The following ADGRA2 variants were observed in gnomAD, a reference collection of about 807,000 sequenced individuals.
ADGRA2 encodes the protein adhesion G protein-coupled receptor A2.
In ADGRA2, 61 loss-of-function variants were observed where a neutral mutation model predicts 98.7. The observed-to-expected ratio is 0.62, with a 90% CI of 0.50 to 0.76. The LOEUF is 0.76. ADGRA2 is among the 30% of genes least tolerant of loss of function. The probability of loss-of-function intolerance (pLI) is 0.00; values close to 1 mark genes in which losing one functional copy is unlikely to be tolerated. For synonymous variants in ADGRA2, 858 were observed against 831.5 expected (o/e 1.03, Z -0.55); for missense variants, 1,712 against 1,860.0 (o/e 0.92, Z 1.46).
In ADGRA2 at chr8:37,840,082, AGTCCCCAG is replaced by A. The variant is rs764659063; in HGVS notation, c.2512-30_2512-23del. On this transcript the variant is annotated intron_variant, in intron 16 of 18. Transcript: ENST00000412232. The stretch of plus-strand genomic sequence containing the variant: ...TGAAGCTCTGGGAGGGTCCAGTCGT[AGTCCCCAG>A]GTCCCCAGCCTCCGTGCCTTGACCC... The A allele has an allele frequency of 1.9e-5, 29 of 1,530,076 alleles. No homozygotes were observed. In the East Asian group the frequency reaches 4.0e-4, roughly 21 times the overall value. The allele number at this position is 1,530,076 out of a possible 1,614,324, so 94.8% of individuals were successfully genotyped here.
At chr8:37,833,631 C>G (rs1160523594) in intron 9 of ADGRA2, 57 bp from the exon 10 acceptor site, 4 of 1,571,822 alleles carry the variant, frequency 2.5e-6, no homozygotes, top group Non-Finnish European at 3.5e-6. Context: ...TCCCCAGGGG[C>G]AGTTCGGGGG....
At chr8:37,811,168 GTTTTTTTT>G (rs762992936) in intron 1 of ADGRA2, among the ~76,000 whole-genome samples, 6 of 101,754 alleles carry the variant, frequency 5.9e-5, no homozygotes, top group African/African-American at 2.4e-4. Context: ...GTGTGTGTGT[GTTTTTTTT>G]TTTTTTTTTT....
At chr8:37,819,373 CTAT>C (rs377136127) in intron 2 of ADGRA2, among the ~76,000 whole-genome samples, 1 of 151,866 alleles carries the variant, frequency 6.6e-6, no homozygotes, top group African/African-American at 2.4e-5. Context: ...CAAATACTTA[CTAT>C]TATTATTATT....
At position 37,839,556 on chromosome 8, in the gene ADGRA2, A is replaced by T. The variant is rs146000268; in HGVS notation, c.2445A>T (p.Ile815=). 2 of 1,614,122 alleles carry T rather than the reference A, an allele frequency of 1.2e-6. No individual in the cohort carries two copies. The highest frequency in any genetic ancestry group is 1.7e-6 in the Non-Finnish European group (2 of 1,180,026). ...TGCTGCTGAACTTGTGCTTCCACATAGCCATGACCTCTGCTGTCTTTGCGG... is the reference window on the plus strand; with the variant it reads ...TGCTGCTGAACTTGTGCTTCCACATTGCCATGACCTCTGCTGTCTTTGCGG... The part of the protein sequence containing the change: ...WHMLLNLCFH[I]AMTSAVFAGG... The change falls in exon 16 of 19, where the codon ATA becomes ATT. Residue 815 remains isoleucine, a synonymous_variant. Coordinates refer to ENST00000412232, the MANE Select transcript of ADGRA2 (RefSeq NM_032777.10).
At position 37,814,157 on chromosome 8, in the gene ADGRA2, AGTGG is replaced by A. The variant is rs1481486477; in HGVS notation, c.267-733_267-730del. ...CAGGGAGCTTGGCAGAGAAAGGCTG[AGTGG>A]GTGGGCGGAGATGAGACACTCGGTC... On this transcript the variant is annotated intron_variant, in intron 1 of 18. Transcript: ENST00000412232. The surrounding 1 kb of genome is among the most constrained non-coding windows in gnomAD (Gnocchi z 4.3). Among the ~76,000 whole-genome samples the A allele has an allele frequency of 6.6e-6, 1 of 152,168 alleles. No individual in the cohort carries two copies. Among genetic ancestry groups the A allele is most frequent in the East Asian group, 1.9e-4 (1 of 5,176 alleles).
intron 1 of ADGRA2, among the ~76,000 whole-genome samples, chr8:37,803,647 G>A (rs946445126): frequency 6.6e-6 from 1 of 152,124 alleles, no homozygotes; most frequent in Non-Finnish European, 1.5e-5. Context: ...GTTATGGGGG[G>A]AGGGGGCAGA....
At chr8:37,822,594 A>AT (rs1805158655) in intron 2 of ADGRA2, among the ~76,000 whole-genome samples, 1 of 152,178 alleles carries the variant, frequency 6.6e-6, no homozygotes, top group Non-Finnish European at 1.5e-5. Flanking sequence ...GAAACCTTGA[A>AT]TCATTAACAG....
chr8:37,799,987 G>A (rs1804450610), intron 1 of ADGRA2, among the ~76,000 whole-genome samples: 1 of 152,154 alleles, frequency 6.6e-6, no homozygotes, highest in Admixed American at 6.5e-5. Context: ...CAGAAGCTGG[G>A]CAAAGGTTCC....
chr8:37,842,456 A>G lies in ADGRA2; in HGVS notation c.*101A>G. On this transcript the variant is annotated 3_prime_UTR_variant, in exon 19 of 19. Transcript: ENST00000412232. ...TCCGTAGTCAGCAGGTTGGAGGCAGAGGAGCCGATGGCTGGAGGAAGCCCA... is the reference window on the plus strand; with the variant it reads ...TCCGTAGTCAGCAGGTTGGAGGCAGGGGAGCCGATGGCTGGAGGAAGCCCA... 7.3e-7 allele frequency: 1 copy of G among 1,373,738 alleles called. No homozygotes were observed. Among genetic ancestry groups the G allele is most frequent in the Non-Finnish European group, 9.4e-7 (1 of 1,063,156 alleles). The allele number at this position is 1,373,738 out of a possible 1,614,324, so 85.1% of individuals were successfully genotyped here. A position where few individuals can be genotyped will look rare whatever the true frequency, so the allele number is the denominator to read the frequency against.
intron 2 of ADGRA2, among the ~76,000 whole-genome samples, chr8:37,826,003 G>C (rs536860161): frequency 1.3e-5 from 2 of 152,230 alleles, no homozygotes; most frequent in Non-Finnish European, 2.9e-5. Context: ...GCAGGAAATC[G>C]AGGGCAGGAA....
At chr8:37,836,758 G>A (rs1053317720) in intron 13 of ADGRA2, among the ~76,000 whole-genome samples, 3 of 152,200 alleles carry the variant, frequency 2.0e-5, no homozygotes, top group African/African-American at 7.2e-5. Flanking sequence ...CCCATCATCA[G>A]GACGTCTGCC....
intron 1 of ADGRA2, among the ~76,000 whole-genome samples, chr8:37,807,443 A>G (rs912075943): frequency 1.3e-5 from 2 of 152,228 alleles, no homozygotes; most frequent in Non-Finnish European, 1.5e-5. Context: ...AATTATTGCT[A>G]ATGACATAGT....
Position 37,830,923 on chromosome 8 carries a change from G to T in ADGRA2, c.932G>T (p.Ser311Ile), listed in dbSNP as rs1465206733. 1 of 1,567,368 alleles carries T rather than the reference G, an allele frequency of 6.4e-7. No homozygotes were observed. Residue 311 changes from serine (S) to isoleucine (I), a missense_variant and splice_region_variant, in exon 7 of 19, where the codon AGT (serine) becomes ATT (isoleucine). Ser to Ile is a moderately radical substitution (Grantham distance 142, BLOSUM62 -2). Coordinates refer to ENST00000412232, the MANE Select transcript of ADGRA2 (RefSeq NM_032777.10). The surrounding 1 kb of genome is among the most constrained non-coding windows in gnomAD (Gnocchi z 4.8). Reference sequence around the variant, plus strand: ...ATCCACGACTGCACCTTCATCACCAGGTATGAGCCCCGCTGCCCCTCCTCA... The same window carrying T: ...ATCCACGACTGCACCTTCATCACCATGTATGAGCCCCGCTGCCCCTCCTCA... ...SLIHDCTFIT[S>I]ELTLSHIGVW...
Position 37,797,683 on chromosome 8 carries a change from A to T in ADGRA2, c.266+149A>T. The T allele has an allele frequency of 1.3e-6, 1 of 780,178 alleles. No homozygotes were observed. Among genetic ancestry groups the T allele is most frequent in the East Asian group, 3.4e-5 (1 of 29,526 alleles). 48.3% of individuals were successfully genotyped at this position (780,178 alleles called of 1,614,324 possible). ...TGGGTTCAGGCCCCCAGAGGGGAAG[A>T]TTGGAGGAGCAGGGGAGAGACTGGG... On this transcript the variant is annotated intron_variant, in intron 1 of 18. Transcript: ENST00000412232. The surrounding 1 kb of genome is among the most constrained non-coding windows in gnomAD (Gnocchi z 5.3).
intron 1 of ADGRA2, among the ~76,000 whole-genome samples, chr8:37,812,901 C>T (rs2129940391): frequency 6.6e-6 from 1 of 152,080 alleles, no homozygotes; most frequent in East Asian, 1.9e-4. Flanking sequence ...TGTTGCCCAG[C>T]TGGTCTTGAA....
At position 37,844,213 on chromosome 8, in the gene ADGRA2, T is replaced by C; in HGVS notation, c.*1858T>C. ...CAAACCAGCAGCAAAGAGCCTGACA[T>C]TTTCCCATCCATCTATGAGGAAAGC... is the stretch of plus-strand genomic sequence containing the variant. On this transcript the variant is annotated 3_prime_UTR_variant, in exon 19 of 19. Transcript: ENST00000412232. 1 of 439,408 alleles carries C rather than the reference T, an allele frequency of 2.3e-6. No homozygotes were observed. Among genetic ancestry groups the C allele is most frequent in the Non-Finnish European group, 4.1e-6 (1 of 242,594 alleles). The allele number at this position is 439,408 out of a possible 1,614,324, so 27.2% of individuals were successfully genotyped here.
intron 2 of ADGRA2, among the ~76,000 whole-genome samples, chr8:37,817,948 G>T (rs1310123911): frequency 6.6e-6 from 1 of 152,140 alleles, no homozygotes; most frequent in Non-Finnish European, 1.5e-5. Context: ...AACCCGGGAG[G>T]CATAGGTTGC....
At chr8:37,813,923 C>G (rs1329288896) in intron 1 of ADGRA2, among the ~76,000 whole-genome samples, 1 of 152,226 alleles carries the variant, frequency 6.6e-6, no homozygotes, top group Non-Finnish European at 1.5e-5. Flanking sequence ...TCCAGTCCAG[C>G]CTGGAGGCCG....
rs1456111888 is a variant in ADGRA2, at chr8:37,841,253, A to G, written c.2915A>G (p.Glu972Gly). 1 of 1,613,226 alleles carries G rather than the reference A, an allele frequency of 6.2e-7. No individual in the cohort carries two copies. The highest frequency in any genetic ancestry group is 1.7e-5 in the Admixed American group (1 of 59,988). ...NSRASLEAGE[E>G]LRGSTRLRGS... Reference sequence around the variant, plus strand: ...AGGGCCTCCCTGGAGGCAGGGGAGGAGCTGAGGGGTTCCACCAGGCTCAGG... The same window carrying G: ...AGGGCCTCCCTGGAGGCAGGGGAGGGGCTGAGGGGTTCCACCAGGCTCAGG... Residue 972 changes from glutamate to glycine, a missense_variant, in exon 19 of 19, where the codon GAG becomes GGG. Coordinates refer to ENST00000412232, the MANE Select transcript of ADGRA2 (RefSeq NM_032777.10). The surrounding 1 kb of genome is among the most constrained non-coding windows in gnomAD (Gnocchi z 5.0).
Sources: gnomAD v4.1 joint callset for allele counts (sites outside exome capture counted in the v4.1 genomes callset) on GRCh38, gnomAD v4.1.1 for gene constraint, Gnocchi (gnomAD v3.1) non-coding constraint, MANE v1.5 for transcripts, NCBI Gene and HGNC (gene_info 2026-07-23, HGNC 2026-07-21) for gene names.